KCNG2: variants seen among roughly 807,000 people sequenced by gnomAD.
The protein encoded by KCNG2 is potassium voltage-gated channel modifier subfamily G member 2, also known as voltage-gated potassium channel regulatory subunit KCNG2.
Under a neutral mutation model 12.3 loss-of-function variants are expected in KCNG2, and 7 were observed. The ratio of observed to expected loss-of-function variants is 0.57; its 90% CI spans 0.32 to 1.07. The LOEUF (loss-of-function observed/expected upper bound fraction) is 1.07, where lower values mean the gene tolerates loss of function less well. Ranked by LOEUF, KCNG2 falls within the 50% of genes least tolerant of loss-of-function variation. KCNG2 has a pLI of 0.04. For synonymous variants in KCNG2, 414 were observed against 351.4 expected (o/e 1.18, Z -1.99); for missense variants, 703 against 726.0 (o/e 0.97, Z 0.36).
At chr18:79,860,609 A>AT (rs1048882613) in intron 2 of KCNG2, among the ~76,000 whole-genome samples, 7 of 151,658 alleles carry the variant, frequency 4.6e-5, no homozygotes, top group East Asian at 1.9e-4. Context: ...AATACAACTG[A>AT]TTTTTTTTAC....
rs555297301 is a variant in KCNG2, at chr18:79,839,171, C to T, written c.-114-17208C>T. Among the ~76,000 whole-genome samples the T allele has an allele frequency of 2.0e-5, 3 of 152,242 alleles. 1 individual carries two copies. The South Asian group carries it at 6.2e-4, about 32-fold the overall frequency. On this transcript the variant is annotated intron_variant, in intron 1 of 3. Transcript: ENST00000316249. Reference sequence around the variant, plus strand: ...AATTAGCAGAATATGTGGGCGCATGCCTGTCATCCCAGCTACTTGGGAGGC... The same window carrying T: ...AATTAGCAGAATATGTGGGCGCATGTCTGTCATCCCAGCTACTTGGGAGGC...
At position 79,877,587 on chromosome 18, in the gene KCNG2, G is replaced by C. The variant is rs144373884; in HGVS notation, c.624+13296G>C. On this transcript the variant is annotated intron_variant, in intron 3 of 3. Transcript: ENST00000316249. ...GTTCTCACACCTCCGCCCCCCCCGA[G>C]AGTCACGGCACTCAGAATCAGCCTC... 1.8e-4 allele frequency among the ~76,000 whole-genome samples: 27 copies of C among 151,920 alleles called. No individual in the cohort carries two copies. The East Asian group carries it at 5.2e-3, about 29-fold the overall frequency.
chr18:79,897,932 T>C (rs931274968), intron 3 of KCNG2, among the ~76,000 whole-genome samples: 2 of 152,134 alleles, frequency 1.3e-5, no homozygotes, highest in Non-Finnish European at 2.9e-5. Flanking sequence ...AAAGCTCTGT[T>C]ATTCCTTTAC....
At chr18:79,858,139 T>C (rs1157391845) in intron 2 of KCNG2, among the ~76,000 whole-genome samples, 1 of 152,156 alleles carries the variant, frequency 6.6e-6, no homozygotes, top group African/African-American at 2.4e-5. Flanking sequence ...TAGCTGGGAC[T>C]ACAGGCGCCC....
chr18:79,819,482 G>A (rs1167573530), intron 1 of KCNG2, among the ~76,000 whole-genome samples: 1 of 152,234 alleles, frequency 6.6e-6, no homozygotes, highest in Non-Finnish European at 1.5e-5. Context: ...CCTCCTGGCA[G>A]AAGGCATGCA....
chr18:79,864,998 G>GGTCTGTGTGCTGAGAT (rs1979410121), intron 3 of KCNG2, among the ~76,000 whole-genome samples: 1 of 135,018 alleles, frequency 7.4e-6, no homozygotes, highest in African/African-American at 2.6e-5. Flanking sequence ...TGTGCTGAGA[G>GGTCTGTGTGCTGAGAT]GTCTGGGTGC....
chr18:79,897,469 T>C (rs1424840019), intron 3 of KCNG2, among the ~76,000 whole-genome samples: 1 of 152,256 alleles, frequency 6.6e-6, no homozygotes, highest in Non-Finnish European at 1.5e-5. Flanking sequence ...ATTTGTGGCA[T>C]GTTCATTTAT....
chr18:79,826,099 G>A (rs1978285490), intron 1 of KCNG2, among the ~76,000 whole-genome samples: 1 of 152,256 alleles, frequency 6.6e-6, no homozygotes, highest in Admixed American at 6.5e-5. Flanking sequence ...TGGAGGAAGC[G>A]GGCGCTGACA....
At chr18:79,879,204 C>T (rs1980197582) in intron 3 of KCNG2, among the ~76,000 whole-genome samples, 1 of 152,210 alleles carries the variant, frequency 6.6e-6, no homozygotes, top group African/African-American at 2.4e-5. Flanking sequence ...CAGAATTGGG[C>T]ACCTCAAAGG....
At chr18:79,810,322 AG>A (rs1227499228) in intron 1 of KCNG2, among the ~76,000 whole-genome samples, 1 of 151,918 alleles carries the variant, frequency 6.6e-6, no homozygotes, top group Non-Finnish European at 1.5e-5. Context: ...ATCAGTGGGG[AG>A]GGGGGAAGCA....
chr18:79,803,523 G>A lies in KCNG2; in HGVS notation c.-115+5509G>A. Among the ~76,000 whole-genome samples the A allele has an allele frequency of 6.6e-6, 1 of 152,204 alleles. No individual in the cohort carries two copies. The highest frequency in any genetic ancestry group is 1.5e-5 in the Non-Finnish European group (1 of 68,028). On this transcript the variant is annotated intron_variant, in intron 1 of 3. Coordinates refer to ENST00000316249, the MANE Select transcript of KCNG2 (RefSeq NM_012283.2). The surrounding 1 kb of genome is among the most constrained non-coding windows in gnomAD (Gnocchi z 4.5). Reference sequence around the variant, plus strand: ...ACATTCTAGGGTGAAGAAAACAGTGGCTAGGCGTGGGTGTGCAGTGCTGGG... The same window carrying A: ...ACATTCTAGGGTGAAGAAAACAGTGACTAGGCGTGGGTGTGCAGTGCTGGG...
intron 1 of KCNG2, among the ~76,000 whole-genome samples, chr18:79,798,830 T>C (rs1368745358): frequency 6.6e-6 from 1 of 152,152 alleles, no homozygotes; most frequent in Non-Finnish European, 1.5e-5. Context: ...GTCCGGCAGG[T>C]GAACTGGGCC....
chr18:79,826,312 T>C (rs181736448), intron 1 of KCNG2, among the ~76,000 whole-genome samples: 95 of 152,358 alleles, frequency 6.2e-4, no homozygotes, highest in Non-Finnish European at 1.3e-3. Context: ...AGCAGGTGTG[T>C]GGAGGCCCCT....
intron 3 of KCNG2, among the ~76,000 whole-genome samples, chr18:79,872,359 T>C (rs1043293060): frequency 7.5e-6 from 1 of 133,534 alleles, no homozygotes; most frequent in Admixed American, 9.2e-5. Flanking sequence ...AATCACAGCT[T>C]ACTGCAATCT....
At position 79,884,972 on chromosome 18, in the gene KCNG2, A is replaced by G. The variant is rs1401576387; in HGVS notation, c.625-14068A>G. 1.3e-5 allele frequency among the ~76,000 whole-genome samples: 2 copies of G among 152,084 alleles called. No individual in the cohort carries two copies. Among genetic ancestry groups the G allele is most frequent in the East Asian group, 3.9e-4 (2 of 5,178 alleles). ...ACACTGATCTCTGAGTGTGCGGTCC[A>G]CTTTCCCTCCCCAAAGAAGCGCTTG... On this transcript the variant is annotated intron_variant, in intron 3 of 3. Transcript: ENST00000316249. The surrounding 1 kb of genome is among the most constrained non-coding windows in gnomAD (Gnocchi z 5.5).
At chr18:79,866,568 C>G (rs1438516723) in intron 3 of KCNG2, among the ~76,000 whole-genome samples, 1 of 107,910 alleles carries the variant, frequency 9.3e-6, no homozygotes, top group Non-Finnish European at 1.9e-5. Context: ...GTCTGGATGC[C>G]GAGGTCTCTG....
chr18:79,897,769 G>GT (rs999431123), intron 3 of KCNG2, among the ~76,000 whole-genome samples: 7 of 151,020 alleles, frequency 4.6e-5, no homozygotes, highest in Non-Finnish European at 1.0e-4. Context: ...GCTTACTGTT[G>GT]TGATGCCTGT....
chr18:79,806,330 GC>G (rs1476458600), intron 1 of KCNG2, among the ~76,000 whole-genome samples: 1 of 151,824 alleles, frequency 6.6e-6, no homozygotes, highest in Non-Finnish European at 1.5e-5. Context: ...CCATCGGGAA[GC>G]CCCCTGAGCA....
intron 2 of KCNG2, among the ~76,000 whole-genome samples, chr18:79,857,090 G>T (rs951222478): frequency 2.5e-3 from 1 of 406 alleles, no homozygotes; most frequent in African/African-American, 0.012. Flanking sequence ...CCACAGCCCT[G>T]TGTGGTATTG....
Sources: gnomAD v4.1 joint callset for allele counts (sites outside exome capture counted in the v4.1 genomes callset) on GRCh38, gnomAD v4.1.1 for gene constraint, Gnocchi (gnomAD v3.1) non-coding constraint, MANE v1.5 for transcripts, NCBI Gene and HGNC (gene_info 2026-07-23, HGNC 2026-07-21) for gene names.